Variants in RBM18 observed in about 807,000 individuals in gnomAD.
RBM18 encodes RNA binding motif protein 18, also known as probable RNA-binding protein 18.
A neutral mutation model predicts 26.4 loss-of-function variants in RBM18; 18 were observed. The ratio of observed to expected loss-of-function variants is 0.68; its 90% CI spans 0.47 to 1.01. The LOEUF is 1.01. Ranked by LOEUF, RBM18 falls within the 50% of genes least tolerant of loss-of-function variation. The pLI is 0.00. For synonymous variants in RBM18, 74 were observed against 81.1 expected (o/e 0.91, Z 0.47); for missense variants, 180 against 219.2 (o/e 0.82, Z 1.13).
chr9:122,262,991 G>A (rs188793855), intron 1 of RBM18, among the ~76,000 whole-genome samples: 1 of 152,274 alleles, frequency 6.6e-6, no homozygotes, highest in Non-Finnish European at 1.5e-5. Context: ...GACCAAAAAT[G>A]AGACGACAGA....
At chr9:122,251,698 T>A (rs1438785302) in intron 3 of RBM18, 149 bp downstream of exon 3, 14 of 645,070 alleles carry the variant, frequency 2.2e-5, no homozygotes, top group African/African-American at 5.5e-5. Flanking sequence ...TTATTGAGGA[T>A]CCCTTATAGG....
At chr9:122,249,564 G>C (rs1356665170) in intron 3 of RBM18, among the ~76,000 whole-genome samples, 1 of 151,670 alleles carries the variant, frequency 6.6e-6, no homozygotes. Flanking sequence ...ACAAAAATTA[G>C]CTGGGGTAGT....
In RBM18 at chr9:122,237,930, A is replaced by G. The variant is rs552892035; in HGVS notation, c.*3954T>C. On this transcript the variant is annotated 3_prime_UTR_variant, in exon 6 of 6. Transcript: ENST00000417201. The stretch of plus-strand genomic sequence containing the variant: ...TTTCATGTCACAATATAGTATATAT[A>G]TTTTGTTTACTTTTTTTCTCAACCA... The G allele has an allele frequency of 6.6e-6, 1 of 152,206 alleles. No homozygotes were observed. The highest frequency in any genetic ancestry group is 2.4e-5 in the African/African-American group (1 of 41,510). 9.4% of individuals were successfully genotyped at this position (152,206 alleles called of 1,614,324 possible).
intron 5 of RBM18, among the ~76,000 whole-genome samples, chr9:122,242,353 T>A (rs1186101647): frequency 6.6e-6 from 1 of 152,348 alleles, no homozygotes; most frequent in East Asian, 1.9e-4. Context: ...GAGTAGGTAC[T>A]AAAAATAATT....
At position 122,237,769 on chromosome 9, in the gene RBM18, G is replaced by C. The variant is rs961253843; in HGVS notation, c.*4115C>G. 6.6e-6 allele frequency: 1 copy of C among 152,128 alleles called. No homozygotes were observed. Among genetic ancestry groups the C allele is most frequent in the African/African-American group, 2.4e-5 (1 of 41,422 alleles). The allele number at this position is 152,128 out of a possible 1,614,324, so 9.4% of individuals were successfully genotyped here. On this transcript the variant is annotated 3_prime_UTR_variant, in exon 6 of 6. Coordinates refer to ENST00000417201, the MANE Select transcript of RBM18 (RefSeq NM_033117.4). Reference sequence around the variant, plus strand: ...AAGGGACCGATAGTATATATTTCAGGTTTTGTAGGCCACAGTCTTCATTGC... The same window carrying C: ...AAGGGACCGATAGTATATATTTCAGCTTTTGTAGGCCACAGTCTTCATTGC...
rs1047488388 is a variant in RBM18 at position 122,241,504 on chromosome 9, T to A, written c.*380A>T. 3 of 157,836 alleles carry A rather than the reference T, an allele frequency of 1.9e-5. No individual in the cohort carries two copies. The highest frequency in any genetic ancestry group is 7.2e-5 in the African/African-American group (3 of 41,672). 9.8% of individuals were successfully genotyped at this position (157,836 alleles called of 1,614,324 possible). ...TTATGTTGTAAAAGACACACGAGCG[T>A]AGAAAAATGCTCAATTTTTTAATAG... On this transcript the variant is annotated 3_prime_UTR_variant, in exon 6 of 6. Transcript: ENST00000417201.
rs951497921 is a variant in RBM18, at chr9:122,241,626, A to T, written c.*258T>A. On this transcript the variant is annotated 3_prime_UTR_variant, in exon 6 of 6. Transcript: ENST00000417201. The stretch of plus-strand genomic sequence containing the variant: ...AATGTTTCTGGAGTTACAAATCCAA[A>T]CCAACCAGCCAATTAGAGCATCCCA... 39 of 346,350 alleles carry T rather than the reference A, an allele frequency of 1.1e-4. No individual in the cohort carries two copies. The highest frequency in any genetic ancestry group is 9.1e-5 in the Admixed American group (2 of 21,998). The allele number at this position is 346,350 out of a possible 1,614,324, so 21.5% of individuals were successfully genotyped here.
In RBM18 at chr9:122,240,298, G is replaced by A. The variant is rs1274370724; in HGVS notation, c.*1586C>T. ...CCTCTCTGAACTATCCCCCAAATAG[G>A]AGGAGAGTTACTTGCATCATAGACA... On this transcript the variant is annotated 3_prime_UTR_variant, in exon 6 of 6. Transcript: ENST00000417201. The A allele has an allele frequency of 1.3e-5, 2 of 152,204 alleles. No individual in the cohort carries two copies. The highest frequency in any genetic ancestry group is 3.8e-4 in the East Asian group (2 of 5,198). 9.4% of individuals were successfully genotyped at this position (152,204 alleles called of 1,614,324 possible).
chr9:122,244,631 G>A (rs1029026642), intron 5 of RBM18, among the ~76,000 whole-genome samples: 5 of 152,148 alleles, frequency 3.3e-5, no homozygotes, highest in African/African-American at 1.2e-4. Context: ...CCTGGCTATT[G>A]TTATTGTTAT....
rs755388134 is a variant in RBM18 at position 122,241,773 on chromosome 9, CAT to C, written c.*109_*110del. 1.0e-4 allele frequency: 89 copies of C among 866,614 alleles called. No homozygotes were observed. The highest frequency in any genetic ancestry group is 1.4e-4 in the Non-Finnish European group (78 of 555,850). 53.7% of individuals were successfully genotyped at this position (866,614 alleles called of 1,614,324 possible). A position where few individuals can be genotyped will look rare whatever the true frequency, so the allele number is the denominator to read the frequency against. On this transcript the variant is annotated 3_prime_UTR_variant, in exon 6 of 6. Transcript: ENST00000417201. ...AAAACATTATGTTACCAAATGCTAA[CAT>C]GTGATTGTGCTCCGTTGAATAGTAC...
chr9:122,244,688 AAAAC>A (rs146523339), intron 5 of RBM18, among the ~76,000 whole-genome samples: 48,631 of 151,816 alleles, frequency 0.32, 8,954 homozygotes, highest in Middle Eastern at 0.47. Flanking sequence ...AACAAAACAA[AAAAC>A]AAACAAACAA....
At chr9:122,243,691 T>A in intron 5 of RBM18, 1 of 980,680 alleles carries the variant, frequency 1.0e-6, no homozygotes, top group Non-Finnish European at 1.2e-6. Context: ...AAGGTATACA[T>A]GGGCGAGAAA....
intron 1 of RBM18, among the ~76,000 whole-genome samples, chr9:122,263,836 C>T (rs1445333851): frequency 1.3e-5 from 2 of 152,172 alleles, no homozygotes; most frequent in Non-Finnish European, 2.9e-5. Context: ...AGAGTGCAGG[C>T]TATGCGGGTC....
intron 2 of RBM18, among the ~76,000 whole-genome samples, chr9:122,258,361 C>T (rs373156697): frequency 4.0e-5 from 6 of 151,282 alleles, no homozygotes; most frequent in Middle Eastern, 3.4e-3. Context: ...CTCTGCCCTC[C>T]GGGTTCAAGT....
At chr9:122,261,344 T>G in intron 2 of RBM18, 36 bp downstream of exon 2, 1 of 1,408,318 alleles carries the variant, frequency 7.1e-7, no homozygotes, top group Non-Finnish European at 1.0e-6. Flanking sequence ...AACATCCCAA[T>G]ATTGTAGGTA....
In RBM18 at chr9:122,240,593, C is replaced by T. The variant is rs1038500581; in HGVS notation, c.*1291G>A. On this transcript the variant is annotated 3_prime_UTR_variant, in exon 6 of 6. Transcript: ENST00000417201. ...ACCTGGAGTAACAAAGTGATACATA[C>T]CTGGTAAAGGAGCAAAGGTGCTGCC... The T allele has an allele frequency of 6.6e-6, 1 of 152,182 alleles. No homozygotes were observed. The highest frequency in any genetic ancestry group is 1.5e-5 in the Non-Finnish European group (1 of 68,044). The allele number at this position is 152,182 out of a possible 1,614,324, so 9.4% of individuals were successfully genotyped here. A position where few individuals can be genotyped will look rare whatever the true frequency, so the allele number is the denominator to read the frequency against.
At chr9:122,257,242 C>A (rs778773151) in intron 2 of RBM18, among the ~76,000 whole-genome samples, 1 of 151,862 alleles carries the variant, frequency 6.6e-6, no homozygotes, top group Admixed American at 6.6e-5. Context: ...CCCGGGTTCA[C>A]GCCATTCTCC....
At chr9:122,251,994 A>C in intron 2 of RBM18, 21 bp from the exon 3 acceptor site, 1 of 1,613,400 alleles carries the variant, frequency 6.2e-7, no homozygotes, top group Non-Finnish European at 8.5e-7. Flanking sequence ...AGAAGAGTCC[A>C]TGAGTATGCT....
intron 5 of RBM18, among the ~76,000 whole-genome samples, chr9:122,244,137 C>T (rs969756693): frequency 3.2e-5 from 3 of 94,022 alleles, no homozygotes; most frequent in African/African-American, 4.7e-5. Context: ...CCCTAGAGCA[C>T]GAAATAAAAA....
Sources: gnomAD v4.1 joint callset for allele counts (sites outside exome capture counted in the v4.1 genomes callset) on GRCh38, gnomAD v4.1.1 for gene constraint, MANE v1.5 for transcripts, NCBI Gene and HGNC (gene_info 2026-07-23, HGNC 2026-07-21) for gene names.